Variants in EYA4 observed in about 807,000 individuals in gnomAD.
EYA4 encodes the protein EYA transcriptional coactivator and phosphatase 4.
Under a neutral mutation model 87.9 loss-of-function variants are expected in EYA4, and 31 were observed. The observed-to-expected ratio is 0.35, with a 90% confidence interval of 0.27 to 0.48. The LOEUF (loss-of-function observed/expected upper bound fraction) is 0.48, where lower values mean the gene tolerates loss of function less well. Ranked by LOEUF, EYA4 falls within the 20% of genes least tolerant of loss-of-function variation. The pLI is 0.99. For synonymous variants in EYA4, 263 were observed against 270.6 expected (o/e 0.97, Z 0.28); for missense variants, 678 against 761.4 (o/e 0.89, Z 1.29).
intron 3 of EYA4, among the ~76,000 whole-genome samples, chr6:133,393,619 C>T (rs938347261): frequency 4.6e-5 from 7 of 152,020 alleles, no homozygotes; most frequent in Admixed American, 2.0e-4. Context: ...TAGAGTGAGC[C>T]CAGAGTTCAA....
In EYA4 at chr6:133,529,138, G is replaced by A. The variant is rs746964933; in HGVS notation, c.*333G>A. ...GGCAAAGCAGCAACACACATGCTCC[G>A]TCTGACAAGGTGGTCAACAACATTC... On this transcript the variant is annotated 3_prime_UTR_variant, in exon 20 of 20. Coordinates refer to ENST00000355286, the MANE Select transcript of EYA4 (RefSeq NM_004100.5). The A allele has an allele frequency of 2.2e-4, 258 of 1,184,554 alleles. No individual in the cohort carries two copies. The highest frequency in any genetic ancestry group is 2.5e-4 in the Non-Finnish European group (237 of 942,576). The allele number at this position is 1,184,554 out of a possible 1,614,324, so 73.4% of individuals were successfully genotyped here.
At chr6:133,251,252 T>G (rs1315911905) in intron 1 of EYA4, among the ~76,000 whole-genome samples, 3 of 152,246 alleles carry the variant, frequency 2.0e-5, no homozygotes, top group Non-Finnish European at 4.4e-5. Context: ...TTTCCTCAGT[T>G]GCTTTTTTTT....
chr6:133,266,002 T>C (rs1264242763), intron 1 of EYA4, among the ~76,000 whole-genome samples: 1 of 152,220 alleles, frequency 6.6e-6, no homozygotes, highest in Non-Finnish European at 1.5e-5. Context: ...TCTGGAAATA[T>C]TACATTCATA....
At chr6:133,418,531 T>C (rs948492706) in intron 3 of EYA4, among the ~76,000 whole-genome samples, 3 of 152,248 alleles carry the variant, frequency 2.0e-5, no homozygotes, top group African/African-American at 4.8e-5. Flanking sequence ...TATATACAGA[T>C]GCATATATAT....
intron 1 of EYA4, among the ~76,000 whole-genome samples, chr6:133,246,706 A>G (rs528470985): frequency 2.6e-5 from 4 of 152,306 alleles, no homozygotes. Context: ...TGTCATTATT[A>G]CTATAATATT....
intron 2 of EYA4, among the ~76,000 whole-genome samples, chr6:133,318,984 A>G (rs1319137435): frequency 6.6e-6 from 1 of 152,216 alleles, no homozygotes; most frequent in Admixed American, 6.5e-5. Context: ...TGGTTATAGG[A>G]GGCCACATTT....
At chr6:133,434,720 T>C (rs949376408) in intron 3 of EYA4, among the ~76,000 whole-genome samples, 3 of 152,224 alleles carry the variant, frequency 2.0e-5, no homozygotes, top group Non-Finnish European at 4.4e-5. Context: ...ACCACCTTTT[T>C]TTTGTACATT....
At chr6:133,413,778 CT>C (rs1392918711) in intron 3 of EYA4, among the ~76,000 whole-genome samples, 1 of 152,188 alleles carries the variant, frequency 6.6e-6, no homozygotes, top group African/African-American at 2.4e-5. Flanking sequence ...TTCCTGCTGA[CT>C]GCTGGATATC....
At chr6:133,376,507 T>TTAA (rs1407421025) in intron 2 of EYA4, among the ~76,000 whole-genome samples, 5 of 151,948 alleles carry the variant, frequency 3.3e-5, no homozygotes, top group African/African-American at 1.2e-4. Flanking sequence ...TTTATTCCCA[T>TTAA]TAATGTTTCA....
chr6:133,318,516 T>G (rs754753214), intron 2 of EYA4, among the ~76,000 whole-genome samples: 3 of 152,176 alleles, frequency 2.0e-5, no homozygotes, highest in Non-Finnish European at 4.4e-5. Flanking sequence ...CTATTCTGTC[T>G]TCCCATCTGA....
intron 7 of EYA4, 115 bp from the exon 8 acceptor site, chr6:133,462,220 T>C: frequency 8.3e-7 from 1 of 1,207,488 alleles, no homozygotes; most frequent in East Asian, 2.3e-5. Context: ...GTTAAAATTA[T>C]ATTGTGGATA....
chr6:133,474,905 A>T (rs1795592956), intron 11 of EYA4, among the ~76,000 whole-genome samples: 1 of 152,136 alleles, frequency 6.6e-6, no homozygotes, highest in Non-Finnish European at 1.5e-5. Context: ...CTACTTTTAT[A>T]ATGAAAACAT....
chr6:133,406,183 T>C (rs211619), intron 3 of EYA4, among the ~76,000 whole-genome samples: 133,222 of 152,152 alleles, frequency 0.88, 59,013 homozygotes, highest in Non-Finnish European at 0.95. Context: ...AGGTTCTATC[T>C]TAGGTATTTT....
At chr6:133,452,088 C>T (rs1793505408) in intron 5 of EYA4, among the ~76,000 whole-genome samples, 1 of 152,058 alleles carries the variant, frequency 6.6e-6, no homozygotes. Flanking sequence ...TCCAAACAAG[C>T]ATAAATCATA....
At chr6:133,272,710 C>T (rs1477313917) in intron 1 of EYA4, among the ~76,000 whole-genome samples, 2 of 152,176 alleles carry the variant, frequency 1.3e-5, no homozygotes, top group Non-Finnish European at 2.9e-5. Flanking sequence ...ACTGGCACCT[C>T]AAGCACCATT....
chr6:133,244,745 T>C (rs1272129241), intron 1 of EYA4, among the ~76,000 whole-genome samples: 1 of 152,106 alleles, frequency 6.6e-6, no homozygotes, highest in Non-Finnish European at 1.5e-5. Flanking sequence ...TCCAATTTCA[T>C]GTTTTCAGTC....
chr6:133,437,940 GC>G (rs1198609907), intron 3 of EYA4, among the ~76,000 whole-genome samples: 1 of 152,102 alleles, frequency 6.6e-6, no homozygotes. Flanking sequence ...GGGACACAAA[GC>G]CTAAACCATA....
rs1344614196 is a variant in EYA4, at chr6:133,529,057, A to G, written c.*252A>G. ...TTAAAAATCTGTGGAGGTTGCTGGT[A>G]CACACCAAATGAGTCCAAACTGGAA... On this transcript the variant is annotated 3_prime_UTR_variant, in exon 20 of 20. Coordinates refer to ENST00000355286, the MANE Select transcript of EYA4 (RefSeq NM_004100.5). The G allele has an allele frequency of 2.6e-5, 33 of 1,265,846 alleles. No homozygotes were observed. Among genetic ancestry groups the G allele is most frequent in the Non-Finnish European group, 3.1e-5 (31 of 994,344 alleles). The allele number at this position is 1,265,846 out of a possible 1,614,324, so 78.4% of individuals were successfully genotyped here.
chr6:133,281,630 G>T (rs80244863), intron 2 of EYA4, among the ~76,000 whole-genome samples: 43,289 of 151,550 alleles, frequency 0.29, 7,066 homozygotes, highest in East Asian at 0.44. Flanking sequence ...CTTCAACTTA[G>T]TTTAGATTTC....
Sources: gnomAD v4.1 joint callset for allele counts (sites outside exome capture counted in the v4.1 genomes callset) on GRCh38, gnomAD v4.1.1 for gene constraint, MANE v1.5 for transcripts, NCBI Gene and HGNC (gene_info 2026-07-23, HGNC 2026-07-21) for gene names.